ACTR3C: variants seen among roughly 807,000 people sequenced by gnomAD.
ACTR3C encodes the protein actin-related protein 3C.
A neutral mutation model predicts 26.3 loss-of-function variants in ACTR3C; 18 were observed. The ratio of observed to expected loss-of-function variants is 0.68; its 90% CI spans 0.47 to 1.01. ACTR3C has a LOEUF of 1.01. Among genes scored for constraint, ACTR3C ranks in the 50% least tolerant of loss-of-function variants. The probability of loss-of-function intolerance (pLI) is 0.00; values close to 1 mark genes in which losing one functional copy is unlikely to be tolerated. For missense variants in ACTR3C, 184 were observed against 250.7 expected (o/e 0.73, Z 1.80); for synonymous variants, 55 against 94.5 (o/e 0.58, Z 2.42).
At chr7:149,988,482 T>A in the ACTR3C span, among the ~76,000 whole-genome samples, 1 of 152,186 alleles carries the variant, frequency 6.6e-6, no homozygotes, top group Non-Finnish European at 1.5e-5. Flanking sequence ...ACCATGTAAA[T>A]TCCCTGAGAT....
chr7:150,159,995 A>G, the ACTR3C span, among the ~76,000 whole-genome samples: 1 of 152,052 alleles, frequency 6.6e-6, no homozygotes, highest in Non-Finnish European at 1.5e-5. Context: ...GGGTTTCACC[A>G]TGTTGGCCAG....
the ACTR3C span, among the ~76,000 whole-genome samples, chr7:149,936,406 A>T: frequency 6.6e-6 from 1 of 151,744 alleles, no homozygotes; most frequent in Admixed American, 6.6e-5. Flanking sequence ...TGAACTTTCC[A>T]TGATAGTTGT....
At chr7:150,110,896 G>C in the ACTR3C span, among the ~76,000 whole-genome samples, 14 of 147,330 alleles carry the variant, frequency 9.5e-5, no homozygotes, top group African/African-American at 3.6e-4. Flanking sequence ...TGGCCACTGC[G>C]AGGCTGGCAG....
At chr7:150,279,597 C>G (rs561448102) in intron 6 of ACTR3C, among the ~76,000 whole-genome samples, 1 of 152,032 alleles carries the variant, frequency 6.6e-6, no homozygotes, top group East Asian at 1.9e-4. Context: ...CCTTCCCCAC[C>G]ACCGTAGGCT....
the ACTR3C span, among the ~76,000 whole-genome samples, chr7:150,140,496 C>G: frequency 0.085 from 12,985 of 151,980 alleles, 1,871 homozygotes; most frequent in African/African-American, 0.3. Flanking sequence ...TCGATCAGTG[C>G]GGCAAACCTC....
At chr7:149,884,395 T>A in the ACTR3C span, among the ~76,000 whole-genome samples, 1 of 152,294 alleles carries the variant, frequency 6.6e-6, no homozygotes, top group East Asian at 1.9e-4. Context: ...ACAAGAGGAA[T>A]AAGTCCAAGA....
the ACTR3C span, among the ~76,000 whole-genome samples, chr7:149,910,615 C>G: frequency 1.3e-5 from 2 of 152,102 alleles, no homozygotes; most frequent in African/African-American, 4.8e-5. Context: ...AGCCGTCATT[C>G]TGTAATAATG....
the ACTR3C span, among the ~76,000 whole-genome samples, chr7:149,925,906 T>C: frequency 6.6e-6 from 1 of 151,918 alleles, no homozygotes; most frequent in Admixed American, 6.6e-5. Context: ...CTACTAAAAA[T>C]ACAAAAATTA....
At chr7:149,896,785 C>T in the ACTR3C span, among the ~76,000 whole-genome samples, 3 of 151,844 alleles carry the variant, frequency 2.0e-5, no homozygotes, top group East Asian at 1.9e-4. Flanking sequence ...TAAGGCTGGG[C>T]GCGGTGGCTC....
At chr7:150,257,004 A>C (rs1235074108) in intron 6 of ACTR3C, among the ~76,000 whole-genome samples, 1 of 152,244 alleles carries the variant, frequency 6.6e-6, no homozygotes, top group Non-Finnish European at 1.5e-5. Context: ...TAACTAACAA[A>C]AATGATATGA....
At chr7:150,228,061 GT>G in the ACTR3C span, among the ~76,000 whole-genome samples, 1 of 152,082 alleles carries the variant, frequency 6.6e-6, no homozygotes, top group Non-Finnish European at 1.5e-5. Context: ...TATTTGAATT[GT>G]AATTCCAGTA....
At chr7:150,107,842 G>C in the ACTR3C span, among the ~76,000 whole-genome samples, 2 of 151,780 alleles carry the variant, frequency 1.3e-5, no homozygotes, top group Admixed American at 6.6e-5. Flanking sequence ...GGACAGAATG[G>C]GCCCCTTATA....
chr7:150,126,147 TCAGGG>T, the ACTR3C span, among the ~76,000 whole-genome samples: 1 of 152,284 alleles, frequency 6.6e-6, no homozygotes, highest in Admixed American at 6.5e-5. Flanking sequence ...CAACCGACAC[TCAGGG>T]CCCCGTGTTG....
At chr7:150,034,765 G>C in the ACTR3C span, among the ~76,000 whole-genome samples, 1 of 151,092 alleles carries the variant, frequency 6.6e-6, no homozygotes, top group Non-Finnish European at 1.5e-5. Context: ...AACGAAGGGG[G>C]CCCTAAGCCA....
At chr7:149,985,255 C>T in the ACTR3C span, among the ~76,000 whole-genome samples, 21 of 147,348 alleles carry the variant, frequency 1.4e-4, no homozygotes, top group South Asian at 4.3e-3. Flanking sequence ...CACACACACA[C>T]GAAACCCTGC....
the ACTR3C span, chr7:149,891,564 G>A: frequency 2.3e-5 from 5 of 215,336 alleles, no homozygotes; most frequent in South Asian, 2.1e-4. Context: ...AGTGGCTCAC[G>A]CCTCTAATCC....
the ACTR3C span, among the ~76,000 whole-genome samples, chr7:149,930,397 CAGAG>C: frequency 1.3e-5 from 2 of 152,188 alleles, no homozygotes; most frequent in Non-Finnish European, 2.9e-5. Flanking sequence ...TATGGACATA[CAGAG>C]AGTGACAAAG....
At chr7:149,968,512 GAT>G in the ACTR3C span, among the ~76,000 whole-genome samples, 1 of 152,210 alleles carries the variant, frequency 6.6e-6, no homozygotes, top group African/African-American at 2.4e-5. Flanking sequence ...CAGCCTGGGT[GAT>G]AGGGCGAGAC....
chr7:149,927,846 G>A, the ACTR3C span, among the ~76,000 whole-genome samples: 2 of 152,282 alleles, frequency 1.3e-5, no homozygotes, highest in Non-Finnish European at 2.9e-5. Flanking sequence ...TAGAACTTTG[G>A]GGGATGCTCA....
Sources: gnomAD v4.1 joint callset for allele counts (sites outside exome capture counted in the v4.1 genomes callset) on GRCh38, gnomAD v4.1.1 for gene constraint, MANE v1.5 for transcripts, NCBI Gene and HGNC (gene_info 2026-07-23, HGNC 2026-07-21) for gene names.